Variants in GOSR2 observed in about 807,000 individuals in gnomAD.
The protein encoded by GOSR2 is golgi SNAP receptor complex member 2, also known as 27 kDa Golgi SNARE protein.
In GOSR2, 20 loss-of-function variants were observed where a neutral mutation model predicts 27.9. The observed-to-expected ratio is 0.72, with a 90% CI of 0.50 to 1.04. The LOEUF (loss-of-function observed/expected upper bound fraction) is 1.04. Ranked by LOEUF, GOSR2 falls within the 50% of genes least tolerant of loss-of-function variation. The pLI, the probability that GOSR2 is intolerant of heterozygous loss-of-function variation, is 0.00. For missense variants in GOSR2, 261 were observed against 270.5 expected (o/e 0.97, Z 0.25); for synonymous variants, 91 against 98.8 (o/e 0.92, Z 0.47).
At chr17:46,945,019 G>A (rs776886237), downstream of GOSR2, among the ~76,000 whole-genome samples, 14 of 152,310 alleles carry the variant, frequency 9.2e-5, no homozygotes, top group Middle Eastern at 3.4e-3. Context: ...GGATCTACTC[G>A]TGAAACAACC....
chr17:46,949,526 A>G (rs2090170561), intron 6 of GOSR2, among the ~76,000 whole-genome samples: 3 of 152,220 alleles, frequency 2.0e-5, no homozygotes, highest in Admixed American at 2.0e-4. Flanking sequence ...TAAGAAGAGC[A>G]GGTGGGATGG....
At chr17:46,931,721 C>T in intron 3 of GOSR2, 1 of 364,816 alleles carries the variant, frequency 2.7e-6, no homozygotes, top group Non-Finnish European at 5.0e-6. Context: ...CTCAAAGATG[C>T]CCTTGGGCTT....
downstream of GOSR2, among the ~76,000 whole-genome samples, chr17:46,969,705 A>G (rs1196345266): frequency 6.6e-6 from 1 of 152,222 alleles, no homozygotes; most frequent in Admixed American, 6.5e-5. Context: ...ACGGGAATCA[A>G]AACAATGAAA....
chr17:46,938,822 A>G lies in GOSR2; in HGVS notation c.*62A>G. ...GCCTGCAAGTGTGTGTGTGTGTGAA[A>G]GAGAGAGGGGGGCCCAGAGGCCGCC... is the stretch of plus-strand genomic sequence containing the variant. On this transcript the variant is annotated 3_prime_UTR_variant, in exon 6 of 6. Coordinates refer to ENST00000640051, the MANE Select transcript of GOSR2 (RefSeq NM_004287.5). The G allele has an allele frequency of 6.2e-7, 1 of 1,610,714 alleles. No homozygotes were observed. Among genetic ancestry groups the G allele is most frequent in the South Asian group, 1.1e-5 (1 of 90,740 alleles).
At position 46,941,031 on chromosome 17, in the gene GOSR2, T is replaced by A. The variant is rs1599076582; in HGVS notation, c.*2271T>A. ...GTGGAGGCGGGGGTGAATTCTTAGG[T>A]CGAGCTGATGCAAGAAACTCCGGTA... is the stretch of plus-strand genomic sequence containing the variant. On this transcript the variant is annotated 3_prime_UTR_variant, in exon 6 of 6. Coordinates refer to ENST00000640051, the MANE Select transcript of GOSR2 (RefSeq NM_004287.5). The A allele has an allele frequency of 9.1e-7, 1 of 1,095,336 alleles. No individual in the cohort carries two copies. The highest frequency in any genetic ancestry group is 4.5e-5 in the Admixed American group (1 of 22,006). The allele number at this position is 1,095,336 out of a possible 1,614,324, so 67.9% of individuals were successfully genotyped here. A position where few individuals can be genotyped will look rare whatever the true frequency, so the allele number is the denominator to read the frequency against.
At chr17:46,966,045 T>C (rs1184677377) in intron 6 of GOSR2, among the ~76,000 whole-genome samples, 2 of 152,216 alleles carry the variant, frequency 1.3e-5, no homozygotes, top group Non-Finnish European at 2.9e-5. Flanking sequence ...TGTCTATAAA[T>C]AACCATCTAC....
downstream of GOSR2, among the ~76,000 whole-genome samples, chr17:46,945,607 A>G (rs913464367): frequency 6.6e-6 from 1 of 152,158 alleles, no homozygotes; most frequent in Non-Finnish European, 1.5e-5. Context: ...GGCGTGGGCT[A>G]TGCAGAAGGG....
At chr17:46,957,858 G>A (rs1202031542) in intron 6 of GOSR2, among the ~76,000 whole-genome samples, 1 of 152,178 alleles carries the variant, frequency 6.6e-6, no homozygotes, top group Non-Finnish European at 1.5e-5. Flanking sequence ...CATGGAGGAG[G>A]ATGAGCACTC....
chr17:46,941,044 A>G lies in GOSR2; in HGVS notation c.*2284A>G. 1.8e-6 allele frequency: 2 copies of G among 1,088,096 alleles called. No homozygotes were observed. The highest frequency in any genetic ancestry group is 2.2e-6 in the Non-Finnish European group (2 of 890,396). 67.4% of individuals were successfully genotyped at this position (1,088,096 alleles called of 1,614,324 possible). A position where few individuals can be genotyped will look rare whatever the true frequency, so the allele number is the denominator to read the frequency against. ...TGAATTCTTAGGTCGAGCTGATGCAAGAAACTCCGGTAGCCAGCCTCTGTG... is the reference window on the plus strand; with the variant it reads ...TGAATTCTTAGGTCGAGCTGATGCAGGAAACTCCGGTAGCCAGCCTCTGTG... On this transcript the variant is annotated 3_prime_UTR_variant, in exon 6 of 6. Coordinates refer to ENST00000640051, the MANE Select transcript of GOSR2 (RefSeq NM_004287.5).
chr17:46,950,314 A>C (rs184425821), intron 6 of GOSR2, among the ~76,000 whole-genome samples: 99 of 152,172 alleles, frequency 6.5e-4, no homozygotes, highest in Non-Finnish European at 1.2e-3. Flanking sequence ...GGTGAGGAGG[A>C]GGCGGCTGGC....
chr17:46,975,013 T>TTTA (rs2091434945), intron 6 of GOSR2, among the ~76,000 whole-genome samples: 2 of 92,200 alleles, frequency 2.2e-5, no homozygotes, highest in Non-Finnish European at 2.4e-5. Context: ...TTTTTTTTTT[T>TTTA]ATGTCCAGGG....
intron 4 of GOSR2, among the ~76,000 whole-genome samples, chr17:46,934,300 G>A (rs1244010659): frequency 6.6e-6 from 1 of 151,992 alleles, no homozygotes; most frequent in Non-Finnish European, 1.5e-5. Context: ...CACAGGAGTT[G>A]GAGACCAGCC....
intron 6 of GOSR2, among the ~76,000 whole-genome samples, chr17:46,952,334 C>T (rs2090421219): frequency 6.6e-6 from 1 of 152,198 alleles, no homozygotes; most frequent in South Asian, 2.1e-4. Context: ...TTTGGGGTGA[C>T]CACATGACTG....
intron 6 of GOSR2, among the ~76,000 whole-genome samples, chr17:46,974,140 G>A (rs542555011): frequency 6.6e-6 from 1 of 152,320 alleles, no homozygotes; most frequent in South Asian, 2.1e-4. Context: ...TACTATCCCC[G>A]ACTCAGAGGA....
chr17:46,931,668 C>T (rs111683095), intron 3 of GOSR2: 6 of 321,244 alleles, frequency 1.9e-5, no homozygotes, highest in East Asian at 1.6e-4. Flanking sequence ...CCACCCCCAG[C>T]GCCTGTTTCC....
rs2089327605 is a variant in GOSR2, at chr17:46,941,887, C to CT, written c.*3128dup. On this transcript the variant is annotated 3_prime_UTR_variant, in exon 6 of 6. Coordinates refer to ENST00000640051, the MANE Select transcript of GOSR2 (RefSeq NM_004287.5). ...AGGTGTTAGCCACTGTACCTGGCCT[C>CT]TAAGGTGATTCTGATGTGTGTATTT... is the stretch of plus-strand genomic sequence containing the variant. 1 of 981,308 alleles carries CT rather than the reference C, an allele frequency of 1.0e-6. No homozygotes were observed. The highest frequency in any genetic ancestry group is 6.2e-5 in the Admixed American group (1 of 16,230). The allele number at this position is 981,308 out of a possible 1,614,324, so 60.8% of individuals were successfully genotyped here.
downstream of GOSR2, among the ~76,000 whole-genome samples, chr17:46,943,596 G>A (rs146130832): frequency 2.9e-4 from 44 of 152,234 alleles, no homozygotes; most frequent in Admixed American, 7.2e-4. Context: ...AGGGGCCTTT[G>A]TGCATCCCGG....
chr17:46,937,214 A>T (rs2088547061), intron 5 of GOSR2: 1 of 152,150 alleles, frequency 6.6e-6, no homozygotes, highest in South Asian at 2.1e-4. Context: ...CATCTATAGA[A>T]GGGTTTTAGG....
intron 6 of GOSR2, among the ~76,000 whole-genome samples, chr17:46,960,382 G>C (rs926218981): frequency 5.3e-5 from 8 of 152,168 alleles, no homozygotes; most frequent in Non-Finnish European, 1.5e-5. Context: ...AGAGCACCTA[G>C]AATGCTCACA....
Sources: gnomAD v4.1 joint callset for allele counts (sites outside exome capture counted in the v4.1 genomes callset) on GRCh38, gnomAD v4.1.1 for gene constraint, MANE v1.5 for transcripts, NCBI Gene and HGNC (gene_info 2026-07-23, HGNC 2026-07-21) for gene names.